The following TRIM61 variants were observed in gnomAD, a reference collection of about 807,000 sequenced individuals.
TRIM61 encodes the protein tripartite motif containing 61, also known as putative tripartite motif-containing protein 61.
A neutral mutation model predicts 14.2 loss-of-function variants in TRIM61; 1 was observed. That is an observed-to-expected ratio of 0.07 (90% confidence interval 0.03 to 0.33). The LOEUF (loss-of-function observed/expected upper bound fraction) is 0.33. Among genes scored for constraint, TRIM61 ranks in the 10% least tolerant of loss-of-function variants. TRIM61 has a pLI of 0.99. For synonymous variants in TRIM61, 8 were observed against 71.6 expected (o/e 0.11, Z 4.49); for missense variants, 19 against 202.2 (o/e 0.09, Z 5.49).
intron 2 of TRIM61, among the ~76,000 whole-genome samples, chr4:164,972,501 T>TGC: frequency 6.6e-6 from 1 of 152,000 alleles, no homozygotes; most frequent in South Asian, 2.1e-4. Flanking sequence ...TATTGCTTTG[T>TGC]GTGTGTGTGT....
chr4:164,975,439 A>G (rs1279277358), intron 2 of TRIM61, among the ~76,000 whole-genome samples: 1 of 152,210 alleles, frequency 6.6e-6, no homozygotes, highest in East Asian at 1.9e-4. Flanking sequence ...AAGAGACTCT[A>G]TTTTGAAAAA....
chr4:164,962,221 CTTT>C (rs10712896), intron 3 of TRIM61, among the ~76,000 whole-genome samples: 8 of 128,878 alleles, frequency 6.2e-5, no homozygotes, highest in Admixed American at 7.9e-5. Flanking sequence ...ATAGTTACTT[CTTT>C]TTTTTTTTTT....
intron 2 of TRIM61, 147 bp from the exon 3 acceptor site, chr4:164,970,486 C>T (rs1732339134): frequency 1.2e-5 from 2 of 162,124 alleles, no homozygotes; most frequent in Admixed American, 1.1e-4. Context: ...TCACGCCATA[C>T]ATTACTTATT....
At chr4:164,966,344 A>G (rs923218628) in intron 3 of TRIM61, among the ~76,000 whole-genome samples, 3 of 152,234 alleles carry the variant, frequency 2.0e-5, no homozygotes, top group Non-Finnish European at 2.9e-5. Flanking sequence ...AATATTCTAA[A>G]ACAAAAATGA....
Position 164,968,270 on chromosome 4 carries a change from TATATA to T in TRIM61, c.525+1203_525+1207del, listed in dbSNP as rs967655031. 5 of 938,918 alleles carry T rather than the reference TATATA, an allele frequency of 5.3e-6. No individual in the cohort carries two copies. The highest frequency in any genetic ancestry group is 5.5e-4 in the Middle Eastern group (1 of 1,818). 58.2% of individuals were successfully genotyped at this position (938,918 alleles called of 1,614,324 possible). ...GACTTAATCTTTCTTAAAGGAAAAG[TATATA>T]AGAAATACAGAAAAAAATTACTGGG... On this transcript the variant is annotated intron_variant, in intron 3 of 4. Coordinates refer to ENST00000329314, the MANE Select transcript of TRIM61 (RefSeq NM_001012414.3).
At chr4:164,958,606 A>G (rs1197792866) in intron 3 of TRIM61, 8 of 167,036 alleles carry the variant, frequency 4.8e-5, no homozygotes, top group Non-Finnish European at 1.2e-4. Context: ...AAACAGTATT[A>G]GAAATGCCTA....
intron 3 of TRIM61, among the ~76,000 whole-genome samples, chr4:164,956,472 TAAC>T (rs1731992304): frequency 6.6e-6 from 1 of 152,218 alleles, no homozygotes; most frequent in Non-Finnish European, 1.5e-5. Context: ...TCATTTGAAT[TAAC>T]AATCTTTATA....
chr4:164,971,528 T>G (rs965604936), intron 2 of TRIM61, among the ~76,000 whole-genome samples: 4 of 150,136 alleles, frequency 2.7e-5, no homozygotes, highest in African/African-American at 9.8e-5. Context: ...GAGGAGGAGG[T>G]TGTGGTGAGT....
intron 3 of TRIM61, chr4:164,969,074 A>T (rs962469344): frequency 9.3e-7 from 1 of 1,079,726 alleles, no homozygotes; most frequent in African/African-American, 1.7e-5. Flanking sequence ...ATCTTCTGAG[A>T]CTATAAGTTT....
chr4:164,955,767 A>G (rs1179913019), intron 3 of TRIM61, among the ~76,000 whole-genome samples: 2 of 152,100 alleles, frequency 1.3e-5, no homozygotes, highest in African/African-American at 2.4e-5. Context: ...CACACACAAG[A>G]CACACACACC....
At chr4:164,971,185 A>G (rs1269213509) in intron 2 of TRIM61, among the ~76,000 whole-genome samples, 2 of 152,202 alleles carry the variant, frequency 1.3e-5, no homozygotes, top group Non-Finnish European at 2.9e-5. Context: ...AGTTAAATTG[A>G]GCACAATAAA....
In TRIM61 at chr4:164,970,264, T is replaced by C. The variant is rs1732333444; in HGVS notation, c.-262A>G. ...TATTAGAACTTAATAGCTGGGCTGC[T>C]GCTCTTCCCACTAAATGAAATAAAG... On this transcript the variant is annotated 5_prime_UTR_variant, in exon 3 of 5. Coordinates refer to ENST00000329314, the MANE Select transcript of TRIM61 (RefSeq NM_001012414.3). 2.6e-6 allele frequency: 1 copy of C among 384,544 alleles called. No individual in the cohort carries two copies. The highest frequency in any genetic ancestry group is 4.6e-6 in the Non-Finnish European group (1 of 215,494). 23.8% of individuals were successfully genotyped at this position (384,544 alleles called of 1,614,324 possible).
chr4:164,960,310 C>T (rs545884801), intron 3 of TRIM61, among the ~76,000 whole-genome samples: 9 of 151,864 alleles, frequency 5.9e-5, no homozygotes, highest in Non-Finnish European at 8.8e-5. Context: ...TTTTCGAGGC[C>T]GAGGCGGGTG....
At chr4:164,959,134 TTC>T (rs1296072319) in intron 3 of TRIM61, 1 of 167,104 alleles carries the variant, frequency 6.0e-6, no homozygotes, top group Non-Finnish European at 1.5e-5. Context: ...TTGCTGCATT[TTC>T]TGTTTATCTC....
At chr4:164,956,969 C>T (rs1293575886) in intron 3 of TRIM61, 3 of 1,435,862 alleles carry the variant, frequency 2.1e-6, no homozygotes, top group Non-Finnish European at 1.8e-6. Context: ...CGGGTGAGAC[C>T]GTGAAGGTGT....
At chr4:164,959,802 G>C (rs1579142416) in intron 3 of TRIM61, among the ~76,000 whole-genome samples, 1 of 152,114 alleles carries the variant, frequency 6.6e-6, no homozygotes, top group African/African-American at 2.4e-5. Context: ...CTAACTCCTG[G>C]CTCGATTAAT....
chr4:164,967,497 A>G (rs1344997941), intron 3 of TRIM61, among the ~76,000 whole-genome samples: 1 of 152,176 alleles, frequency 6.6e-6, no homozygotes, highest in African/African-American at 2.4e-5. Context: ...GAAGTGAAGG[A>G]CAGTAGCTGA....
chr4:164,956,661 C>T (rs1298009408), intron 3 of TRIM61, among the ~76,000 whole-genome samples: 1 of 152,152 alleles, frequency 6.6e-6, no homozygotes, highest in East Asian at 1.9e-4. Context: ...TATTTTTCTC[C>T]AACCAGTTAT....
intron 3 of TRIM61, among the ~76,000 whole-genome samples, chr4:164,964,761 G>A (rs1379966684): frequency 6.6e-6 from 1 of 152,108 alleles, no homozygotes; most frequent in Non-Finnish European, 1.5e-5. Flanking sequence ...AGGGATGCTG[G>A]AAATACATCA....
Sources: allele counts gnomAD v4.1 joint callset (sites outside exome capture counted in the v4.1 genomes callset), GRCh38; gene constraint gnomAD v4.1.1; transcripts MANE v1.5; gene names NCBI Gene and HGNC (gene_info 2026-07-23, HGNC 2026-07-21).